Variants in WNT4 observed in about 807,000 individuals in gnomAD.
WNT4 encodes protein Wnt-4.
WNT4 carries 16 observed loss-of-function variants against 34.5 expected under a neutral mutation model. That is an observed-to-expected ratio of 0.46 (90% CI 0.31 to 0.70). The LOEUF (loss-of-function observed/expected upper bound fraction) is 0.70, where lower values mean the gene tolerates loss of function less well. Ranked by LOEUF, WNT4 falls within the 30% of genes least tolerant of loss-of-function variation. The pLI is 0.04. For missense variants in WNT4, 379 were observed against 495.9 expected, an observed-to-expected ratio of 0.76 and a Z score of 2.24; for synonymous variants, 200 against 211.9, an observed-to-expected ratio of 0.94 and a Z score of 0.49.
chr1:22,132,713 C>T (rs546549018), intron 1 of WNT4, among the ~76,000 whole-genome samples: 38 of 152,296 alleles, frequency 2.5e-4, no homozygotes, highest in Middle Eastern at 6.8e-3. Context: ...CTGCCGTGGC[C>T]GTGAGTCACT....
rs71016989 is a variant in WNT4 at position 22,119,187 on chromosome 1, C to CGTGTGTGTGTGT, written c.*851_*862dup. 8.6e-5 allele frequency: 3 copies of CGTGTGTGTGTGT among 34,822 alleles called. No homozygotes were observed. The highest frequency in any genetic ancestry group is 4.3e-4 in the African/African-American group (3 of 6,900). The allele number at this position is 34,822 out of a possible 1,614,324, so 2.2% of individuals were successfully genotyped here. ...TCTCTCGCAGGTGTGTGTGTGTGTC[C>CGTGTGTGTGTGT]GTGTGTGTGTGTGTGTGTGTGTGTG... is the stretch of plus-strand genomic sequence containing the variant. On this transcript the variant is annotated 3_prime_UTR_variant, in exon 5 of 5. Coordinates refer to ENST00000290167, the MANE Select transcript of WNT4 (RefSeq NM_030761.5).
At chr1:22,125,693 A>G (rs1008668129) in intron 2 of WNT4, among the ~76,000 whole-genome samples, 2 of 152,140 alleles carry the variant, frequency 1.3e-5, no homozygotes, top group African/African-American at 4.8e-5. Flanking sequence ...GACTTGCTCA[A>G]GGTCGCAGAA....
chr1:22,138,368 T>G (rs914232564), intron 1 of WNT4, among the ~76,000 whole-genome samples: 2 of 152,004 alleles, frequency 1.3e-5, no homozygotes, highest in African/African-American at 4.8e-5. Context: ...GTGAAAGATC[T>G]TTGCCAACCA....
chr1:22,135,113 G>C (rs923321060), intron 1 of WNT4, among the ~76,000 whole-genome samples: 3 of 152,196 alleles, frequency 2.0e-5, no homozygotes, highest in African/African-American at 7.2e-5. Flanking sequence ...AGGACATCAA[G>C]AGCTGGGACA....
intron 2 of WNT4, chr1:22,127,135 A>G (rs59148058): frequency 0.01 from 3,945 of 382,380 alleles, 142 homozygotes; most frequent in African/African-American, 0.075. Flanking sequence ...TCCAGGTGTG[A>G]CTGGCACCTG....
rs1432008355 is a variant in WNT4, at chr1:22,134,297, A to G, written c.78-4446T>C. On this transcript the variant is annotated intron_variant, in intron 1 of 4. Transcript: ENST00000290167. The surrounding 1 kb of genome is among the most constrained non-coding windows in gnomAD (Gnocchi z 4.1). ...GAAGAAAACGGAGTGGCTGCTGAAC[A>G]GAGCTGCCTTGGGGGATGCGGGCCA... Among the ~76,000 whole-genome samples, 2 of 152,204 alleles carry G rather than the reference A, an allele frequency of 1.3e-5. No individual in the cohort carries two copies. Among genetic ancestry groups the G allele is most frequent in the Admixed American group, 1.3e-4 (2 of 15,284 alleles).
At position 22,134,146 on chromosome 1, in the gene WNT4, G is replaced by A. The variant is rs1207116837; in HGVS notation, c.78-4295C>T. Among the ~76,000 whole-genome samples, 4 of 152,322 alleles carry A rather than the reference G, an allele frequency of 2.6e-5. No individual in the cohort carries two copies. The highest frequency in any genetic ancestry group is 2.1e-4 in the South Asian group (1 of 4,830). On this transcript the variant is annotated intron_variant, in intron 1 of 4. Coordinates refer to ENST00000290167, the MANE Select transcript of WNT4 (RefSeq NM_030761.5). This position sits in a 1 kb window ranked among gnomAD's most constrained non-coding sequence, Gnocchi z 4.1. The stretch of plus-strand genomic sequence containing the variant: ...TCCAGGTGGGGGCTGGGACGCCAGC[G>A]CAGGCCTCTCTGCCCCCTCCCTTTG...
rs144360273 is a variant in WNT4, at chr1:22,139,377, A to G, written c.77+3469T>C. Among the ~76,000 whole-genome samples, 25 of 152,188 alleles carry G rather than the reference A, an allele frequency of 1.6e-4. No homozygotes were observed. In the East Asian group the frequency reaches 4.8e-3, roughly 29 times the overall value. ...CATTTGCATCAGTGGGCTCCATTTT[A>G]CAGATGAGAAACCCGAGGCTCGGAG... On this transcript the variant is annotated intron_variant, in intron 1 of 4. Transcript: ENST00000290167. This position sits in a 1 kb window ranked among gnomAD's most constrained non-coding sequence, Gnocchi z 4.6.
chr1:22,141,161 C>T (rs1402163865), intron 1 of WNT4, among the ~76,000 whole-genome samples: 3 of 152,248 alleles, frequency 2.0e-5, no homozygotes, highest in Admixed American at 2.0e-4. Flanking sequence ...TCAGTTTCCT[C>T]ATCTGAGTCA....
In WNT4 at chr1:22,120,275, G is replaced by A. The variant is rs34228276; in HGVS notation, c.831C>T (p.Pro277=). The change falls in exon 5 of 5, where the codon CCC becomes CCT. Residue 277 remains proline (P), a synonymous_variant. Coordinates refer to ENST00000290167, the MANE Select transcript of WNT4 (RefSeq NM_030761.5). The part of the protein sequence containing the change: ...DEDLVYLEPS[P]DFCEQDMRSG... ...TGCGCATGTCCTGCTCACAGAAGTC[G>A]GGGCTAGGCTCCAAGTACACCAGGT... 33,903 of 1,614,178 alleles carry A rather than the reference G, an allele frequency of 0.021. 482 individuals are homozygous for A. The highest frequency in any genetic ancestry group is 0.063 in the African/African-American group (4,706 of 75,062).
In WNT4 at chr1:22,140,763, C is replaced by T. The variant is rs1306766269; in HGVS notation, c.77+2083G>A. Among the ~76,000 whole-genome samples, 1 of 152,240 alleles carries T rather than the reference C, an allele frequency of 6.6e-6. No individual in the cohort carries two copies. The highest frequency in any genetic ancestry group is 1.5e-5 in the Non-Finnish European group (1 of 68,044). ...TTGGGTGGAGCAGAGAGACCCTTGGCTTGAAGCCGGGGGTGGAGCAGGAGT... is the reference window on the plus strand; with the variant it reads ...TTGGGTGGAGCAGAGAGACCCTTGGTTTGAAGCCGGGGGTGGAGCAGGAGT... On this transcript the variant is annotated intron_variant, in intron 1 of 4. Transcript: ENST00000290167. The surrounding 1 kb of genome is among the most constrained non-coding windows in gnomAD (Gnocchi z 5.9).
In WNT4 at chr1:22,134,884, C is replaced by T. The variant is rs1268695591; in HGVS notation, c.78-5033G>A. 6.6e-6 allele frequency among the ~76,000 whole-genome samples: 1 copy of T among 152,124 alleles called. No homozygotes were observed. The highest frequency in any genetic ancestry group is 1.5e-5 in the Non-Finnish European group (1 of 68,028). On this transcript the variant is annotated intron_variant, in intron 1 of 4. Transcript: ENST00000290167. This position sits in a 1 kb window ranked among gnomAD's most constrained non-coding sequence, Gnocchi z 4.1. ...GCTTGGGTCTCTTGGCCCTCTTAGT[C>T]CTGGGTTCCCAGTCTTTTTTTCAGC... is the stretch of plus-strand genomic sequence containing the variant.
chr1:22,125,010 C>T (rs371019774), intron 2 of WNT4, among the ~76,000 whole-genome samples: 21 of 152,310 alleles, frequency 1.4e-4, no homozygotes, highest in African/African-American at 5.1e-4. Context: ...TTTCTTGAAA[C>T]CACCTCCAGG....
chr1:22,140,027 C>T lies in WNT4; in HGVS notation c.77+2819G>A, dbSNP rs2124139036. On this transcript the variant is annotated intron_variant, in intron 1 of 4. Transcript: ENST00000290167. The surrounding 1 kb of genome is among the most constrained non-coding windows in gnomAD (Gnocchi z 5.9). ...AGCTGCACGCGGCGGGACACCTGGCCTCCCCACCAGGCCACCTGCCCTTCT... is the reference window on the plus strand; with the variant it reads ...AGCTGCACGCGGCGGGACACCTGGCTTCCCCACCAGGCCACCTGCCCTTCT... 6.6e-6 allele frequency among the ~76,000 whole-genome samples: 1 copy of T among 152,368 alleles called. No homozygotes were observed. Among genetic ancestry groups the T allele is most frequent in the South Asian group, 2.1e-4 (1 of 4,822 alleles).
intron 2 of WNT4, 97 bp from the exon 3 acceptor site, chr1:22,121,673 T>A: frequency 1.3e-6 from 2 of 1,540,892 alleles, no homozygotes; most frequent in Non-Finnish European, 8.7e-7. Context: ...TCCTGCTTGC[T>A]GGAGGCCAGG....
chr1:22,121,654 T>C, intron 2 of WNT4, 78 bp from the exon 3 acceptor site: 2 of 1,569,264 alleles, frequency 1.3e-6, no homozygotes, highest in Admixed American at 3.7e-5. Flanking sequence ...GGGAGGGGCA[T>C]ATGGAGCCTC....
At position 22,142,459 on chromosome 1, in the gene WNT4, G is replaced by A. The variant is rs1211418565; in HGVS notation, c.77+387C>T. Among the ~76,000 whole-genome samples the A allele has an allele frequency of 6.6e-6, 1 of 152,208 alleles. No individual in the cohort carries two copies. The highest frequency in any genetic ancestry group is 2.4e-5 in the African/African-American group (1 of 41,460). ...CGGGATTAACCTGCTATTATGTCCC[G>A]GAGCCCTTCCCTGCAATGGGCTTCC... On this transcript the variant is annotated intron_variant, in intron 1 of 4. Transcript: ENST00000290167. The surrounding 1 kb of genome is among the most constrained non-coding windows in gnomAD (Gnocchi z 6.0).
chr1:22,139,660 G>A lies in WNT4; in HGVS notation c.77+3186C>T, dbSNP rs1298773471. 7.2e-5 allele frequency among the ~76,000 whole-genome samples: 11 copies of A among 152,224 alleles called. No homozygotes were observed. Among genetic ancestry groups the A allele is most frequent in the African/African-American group, 2.7e-4 (11 of 41,446 alleles). ...GGTTCAGAACGATCTGCTGAGGACT[G>A]TGGCCCCAAGGGAGGAAGGGGACAC... On this transcript the variant is annotated intron_variant, in intron 1 of 4. Transcript: ENST00000290167. This position sits in a 1 kb window ranked among gnomAD's most constrained non-coding sequence, Gnocchi z 4.6.
At position 22,140,393 on chromosome 1, in the gene WNT4, G is replaced by A. The variant is rs1646056989; in HGVS notation, c.77+2453C>T. On this transcript the variant is annotated intron_variant, in intron 1 of 4. Coordinates refer to ENST00000290167, the MANE Select transcript of WNT4 (RefSeq NM_030761.5). The surrounding 1 kb of genome is among the most constrained non-coding windows in gnomAD (Gnocchi z 5.9). ...ACGTTGTTGGGATTTAGATCATGCT[G>A]TGGGAGTCATCATAATAATTATTAT... is the stretch of plus-strand genomic sequence containing the variant. 2.5e-6 allele frequency: 1 copy of A among 400,088 alleles called. No homozygotes were observed. Among genetic ancestry groups the A allele is most frequent in the African/African-American group, 2.2e-5 (1 of 46,046 alleles). 24.8% of individuals were successfully genotyped at this position (400,088 alleles called of 1,614,324 possible).
Sources: gnomAD v4.1 joint callset for allele counts (sites outside exome capture counted in the v4.1 genomes callset) on GRCh38, gnomAD v4.1.1 for gene constraint, Gnocchi (gnomAD v3.1) non-coding constraint, MANE v1.5 for transcripts, NCBI Gene and HGNC (gene_info 2026-07-23, HGNC 2026-07-21) for gene names.